RAB22A: variants seen among roughly 807,000 people sequenced by gnomAD.
RAB22A encodes the protein RAB22A, member RAS oncogene family, also known as ras-related protein Rab-22A.
In RAB22A, 13 loss-of-function variants were observed where a neutral mutation model predicts 30.2. That is an observed-to-expected ratio of 0.43 (90% CI 0.28 to 0.68). The LOEUF is 0.68. RAB22A is among the 30% of genes least tolerant of loss of function. The pLI is 0.18. For synonymous variants in RAB22A, 89 were observed against 87.2 expected (o/e 1.02, Z -0.11); for missense variants, 177 against 246.8 (o/e 0.72, Z 1.89).
intron 2 of RAB22A, among the ~76,000 whole-genome samples, chr20:58,343,117 T>TCTCA (rs1986884182): frequency 6.6e-6 from 1 of 152,156 alleles, no homozygotes; most frequent in Non-Finnish European, 1.5e-5. Flanking sequence ...GAACTTCAGC[T>TCTCA]GAGAAACCCG....
chr20:58,331,074 C>A (rs117307801), intron 2 of RAB22A, among the ~76,000 whole-genome samples: 2,512 of 152,294 alleles, frequency 0.016, 28 homozygotes, highest in Non-Finnish European at 0.02. Flanking sequence ...TCACTTTCTT[C>A]CTCTCTTACT....
At chr20:58,344,339 C>A (rs1168456572) in intron 3 of RAB22A, among the ~76,000 whole-genome samples, 1 of 152,180 alleles carries the variant, frequency 6.6e-6, no homozygotes, top group African/African-American at 2.4e-5. Context: ...AGAAGCGGGG[C>A]CTGAACATGG....
intron 2 of RAB22A, among the ~76,000 whole-genome samples, chr20:58,341,682 C>A (rs1350290230): frequency 6.6e-6 from 1 of 152,080 alleles, no homozygotes; most frequent in African/African-American, 2.4e-5. Context: ...TCATAGCTGC[C>A]ATTTTGTCTT....
chr20:58,341,035 A>C (rs186032070), intron 2 of RAB22A, among the ~76,000 whole-genome samples: 2 of 152,226 alleles, frequency 1.3e-5, no homozygotes, highest in African/African-American at 4.8e-5. Flanking sequence ...GCATTGACAC[A>C]TGAGCCAAAG....
At chr20:58,325,779 A>T (rs1160847549) in intron 2 of RAB22A, among the ~76,000 whole-genome samples, 1 of 152,122 alleles carries the variant, frequency 6.6e-6, no homozygotes, top group Non-Finnish European at 1.5e-5. Context: ...ATCCTGGTAA[A>T]TGTTCCATGT....
intron 2 of RAB22A, among the ~76,000 whole-genome samples, chr20:58,328,874 T>C (rs1986613474): frequency 1.3e-5 from 2 of 152,276 alleles, no homozygotes; most frequent in South Asian, 4.1e-4. Context: ...AAAAGTAGTT[T>C]TATTTTACAC....
In RAB22A at chr20:58,359,961, A is replaced by G. The variant is rs1987198285; in HGVS notation, c.*258A>G. ...GCTTTTGACCTTGCTGAAAAGGAACATATAATTGTATGGATGGTAGGATTA... is the reference window on the plus strand; with the variant it reads ...GCTTTTGACCTTGCTGAAAAGGAACGTATAATTGTATGGATGGTAGGATTA... On this transcript the variant is annotated 3_prime_UTR_variant, in exon 7 of 7. Coordinates refer to ENST00000244040, the MANE Select transcript of RAB22A (RefSeq NM_020673.3). 1 of 214,038 alleles carries G rather than the reference A, an allele frequency of 4.7e-6. No individual in the cohort carries two copies. Among genetic ancestry groups the G allele is most frequent in the Non-Finnish European group, 9.3e-6 (1 of 107,644 alleles). 13.3% of individuals were successfully genotyped at this position (214,038 alleles called of 1,614,324 possible).
intron 2 of RAB22A, among the ~76,000 whole-genome samples, chr20:58,323,228 G>A (rs1468633795): frequency 6.6e-6 from 1 of 151,910 alleles, no homozygotes; most frequent in East Asian, 1.9e-4. Context: ...GTTTTATGCT[G>A]TTAATATGGT....
At chr20:58,352,835 A>T (rs181368799) in intron 3 of RAB22A, among the ~76,000 whole-genome samples, 49 of 152,370 alleles carry the variant, frequency 3.2e-4, no homozygotes, top group Non-Finnish European at 6.0e-4. Context: ...TCTGAAGGAC[A>T]ATCAGTGTTC....
intron 3 of RAB22A, among the ~76,000 whole-genome samples, chr20:58,348,167 C>T (rs1986983527): frequency 6.6e-6 from 1 of 152,032 alleles, no homozygotes; most frequent in Non-Finnish European, 1.5e-5. Context: ...GTGGAGGTTG[C>T]AGTGAGCCGA....
At chr20:58,326,381 A>G (rs1458323285) in intron 2 of RAB22A, among the ~76,000 whole-genome samples, 1 of 152,218 alleles carries the variant, frequency 6.6e-6, no homozygotes, top group Non-Finnish European at 1.5e-5. Flanking sequence ...CTTGAATTTT[A>G]CATAAATGCA....
rs530858529 is a variant in RAB22A, at chr20:58,339,958, A to G, written c.117-3760A>G. Among the ~76,000 whole-genome samples the G allele has an allele frequency of 4.0e-4, 61 of 152,194 alleles. 1 individual carries two copies. The highest frequency in any genetic ancestry group is 3.4e-3 in the Middle Eastern group (1 of 294). ...GCGCCACAGGCAACCTCCCCCTCCCATGTCTCACCCTGAATCCAGGTGTTA... is the reference window on the plus strand; with the variant it reads ...GCGCCACAGGCAACCTCCCCCTCCCGTGTCTCACCCTGAATCCAGGTGTTA... On this transcript the variant is annotated intron_variant, in intron 2 of 6. Coordinates refer to ENST00000244040, the MANE Select transcript of RAB22A (RefSeq NM_020673.3).
chr20:58,359,515 C>G, intron 6 of RAB22A, 91 bp from the exon 7 acceptor site: 3 of 251,560 alleles, frequency 1.2e-5, no homozygotes, highest in Non-Finnish European at 1.3e-5. Flanking sequence ...TTTTTTTTTA[C>G]TTCAGTGAAA....
At chr20:58,310,214 T>A (rs1986195694) in intron 1 of RAB22A, among the ~76,000 whole-genome samples, 1 of 151,990 alleles carries the variant, frequency 6.6e-6, no homozygotes, top group African/African-American at 2.4e-5. Flanking sequence ...AAGGGACCCT[T>A]CCCCTTCCCC....
chr20:58,329,295 T>C (rs1345965624), intron 2 of RAB22A, among the ~76,000 whole-genome samples: 1 of 152,162 alleles, frequency 6.6e-6, no homozygotes, highest in Non-Finnish European at 1.5e-5. Flanking sequence ...CCTCGTGATC[T>C]GCCTGCCTCA....
chr20:58,357,679 A>T (rs1448629726), intron 6 of RAB22A, among the ~76,000 whole-genome samples: 1 of 152,246 alleles, frequency 6.6e-6, no homozygotes, highest in Non-Finnish European at 1.5e-5. Flanking sequence ...TAATGACAAG[A>T]AGCTTGGGTA....
chr20:58,349,448 A>G (rs1278332455), intron 3 of RAB22A, among the ~76,000 whole-genome samples: 6 of 152,216 alleles, frequency 3.9e-5, no homozygotes, highest in African/African-American at 7.2e-5. Context: ...ACCCCCTAAA[A>G]TCTGTTTATA....
At chr20:58,355,545 C>A (rs1191778742) in intron 6 of RAB22A, among the ~76,000 whole-genome samples, 2 of 152,124 alleles carry the variant, frequency 1.3e-5, no homozygotes, top group Non-Finnish European at 2.9e-5. Context: ...TGTGCCCGGG[C>A]ATGGTGGTTG....
At chr20:58,343,672 G>T (rs771541350) in intron 2 of RAB22A, 46 bp from the exon 3 acceptor site, 1 of 1,466,656 alleles carries the variant, frequency 6.8e-7, no homozygotes, top group African/African-American at 1.4e-5. Context: ...GGCTGGAAAC[G>T]TGCTTTACAT....
Sources: gnomAD v4.1 joint callset for allele counts (sites outside exome capture counted in the v4.1 genomes callset) on GRCh38, gnomAD v4.1.1 for gene constraint, MANE v1.5 for transcripts, NCBI Gene and HGNC (gene_info 2026-07-23, HGNC 2026-07-21) for gene names.